The following LPAR1 variants were observed in gnomAD, a reference collection of about 807,000 sequenced individuals.
LPAR1 encodes the protein LPA receptor 1.
In LPAR1, 5 loss-of-function variants were observed where a neutral mutation model predicts 23.8. The ratio of observed to expected loss-of-function variants is 0.21; its 90% confidence interval spans 0.11 to 0.44. The LOEUF (loss-of-function observed/expected upper bound fraction) is 0.44. LPAR1 is among the 20% of genes least tolerant of loss of function. The pLI is 0.99. For missense variants in LPAR1, 311 were observed against 482.8 expected, an observed-to-expected ratio of 0.64 and a Z score of 3.33; for synonymous variants, 160 against 164.7, an observed-to-expected ratio of 0.97 and a Z score of 0.22.
chr9:110,968,868 G>A (rs181638894), intron 4 of LPAR1, among the ~76,000 whole-genome samples: 24 of 152,148 alleles, frequency 1.6e-4, no homozygotes, highest in Admixed American at 1.0e-3. Context: ...TTTCATTTCC[G>A]CCTTAAAATA....
In LPAR1 at chr9:110,890,082, C is replaced by T. The variant is rs1055184884; in HGVS notation, c.794-14360G>A. 2.0e-5 allele frequency among the ~76,000 whole-genome samples: 3 copies of T among 151,818 alleles called. No homozygotes were observed. The East Asian group carries it at 5.8e-4, about 29-fold the overall frequency. ...AGAGACAAATGTCTTATAAATATGACCAACAAAATAAAAACAGATTACGAA... is the reference window on the plus strand; with the variant it reads ...AGAGACAAATGTCTTATAAATATGATCAACAAAATAAAAACAGATTACGAA... On this transcript the variant is annotated intron_variant, in intron 5 of 5. Transcript: ENST00000683809.
At chr9:111,009,436 T>C (rs1417573070) in intron 2 of LPAR1, among the ~76,000 whole-genome samples, 3 of 152,162 alleles carry the variant, frequency 2.0e-5, no homozygotes, top group African/African-American at 7.2e-5. Flanking sequence ...AAATGTTTGA[T>C]ACATTCCTAA....
intron 5 of LPAR1, among the ~76,000 whole-genome samples, chr9:110,924,263 G>A (rs1320928420): frequency 6.7e-6 from 1 of 148,458 alleles, no homozygotes; most frequent in Admixed American, 6.7e-5. Context: ...AAACGTAAAT[G>A]TCTAATGATT....
intron 2 of LPAR1, among the ~76,000 whole-genome samples, chr9:111,029,536 C>T (rs1218024370): frequency 6.6e-6 from 1 of 152,048 alleles, no homozygotes; most frequent in Non-Finnish European, 1.5e-5. Context: ...ATGGAATGAG[C>T]TCCACAGACC....
chr9:111,005,808 A>G (rs1456154417), intron 2 of LPAR1, among the ~76,000 whole-genome samples: 1 of 152,078 alleles, frequency 6.6e-6, no homozygotes, highest in Non-Finnish European at 1.5e-5. Flanking sequence ...TTTATCTTTC[A>G]ATCTTCCAAT....
chr9:111,025,916 T>G (rs2097682221), intron 2 of LPAR1, among the ~76,000 whole-genome samples: 1 of 152,236 alleles, frequency 6.6e-6, no homozygotes, highest in Non-Finnish European at 1.5e-5. Flanking sequence ...ATATCTGTTT[T>G]GGTACCAGTA....
At chr9:110,956,521 G>A (rs865935820) in intron 4 of LPAR1, among the ~76,000 whole-genome samples, 88 of 148,720 alleles carry the variant, frequency 5.9e-4, no homozygotes, top group Admixed American at 1.7e-3. Flanking sequence ...AGAAGTTAGT[G>A]TTTTGAAAAG....
chr9:110,890,427 T>A (rs1164031495), intron 5 of LPAR1, among the ~76,000 whole-genome samples: 2 of 152,134 alleles, frequency 1.3e-5, no homozygotes, highest in South Asian at 2.1e-4. Context: ...TTAAAAAAAA[T>A]TCCAATTCAT....
chr9:110,965,063 G>C (rs1156228826), intron 4 of LPAR1, among the ~76,000 whole-genome samples: 1 of 151,748 alleles, frequency 6.6e-6, no homozygotes, highest in African/African-American at 2.4e-5. Flanking sequence ...TAGAGACGGG[G>C]TTTCACCATA....
At chr9:110,901,596 C>T (rs1295267269) in intron 5 of LPAR1, among the ~76,000 whole-genome samples, 2 of 152,162 alleles carry the variant, frequency 1.3e-5, no homozygotes. Context: ...GACTTATTCA[C>T]TATCATGAGA....
At chr9:110,939,871 G>A (rs139432588) in intron 5 of LPAR1, among the ~76,000 whole-genome samples, 132 of 152,280 alleles carry the variant, frequency 8.7e-4, no homozygotes, top group African/African-American at 3.1e-3. Flanking sequence ...TAGGTCATCA[G>A]CAAATAAATA....
intron 5 of LPAR1, among the ~76,000 whole-genome samples, chr9:110,927,457 C>A (rs565224270): frequency 1.3e-5 from 2 of 152,168 alleles, no homozygotes; most frequent in African/African-American, 4.8e-5. Context: ...CAAAGTAGGA[C>A]TTAATGAGTT....
intron 2 of LPAR1, among the ~76,000 whole-genome samples, chr9:110,987,890 C>T (rs2096821029): frequency 6.6e-6 from 1 of 151,800 alleles, no homozygotes; most frequent in African/African-American, 2.4e-5. Flanking sequence ...ACAGACTCAA[C>T]AAGCTCAATG....
At chr9:110,879,648 T>C (rs2080177262) in intron 5 of LPAR1, among the ~76,000 whole-genome samples, 1 of 152,198 alleles carries the variant, frequency 6.6e-6, no homozygotes, top group Non-Finnish European at 1.5e-5. Flanking sequence ...ACTATGGGAT[T>C]GTAATCTCAT....
intron 2 of LPAR1, among the ~76,000 whole-genome samples, chr9:110,976,187 T>C (rs1203183293): frequency 6.6e-6 from 1 of 151,944 alleles, no homozygotes. Context: ...AGTTGCACAA[T>C]AATTTTTAAA....
intron 4 of LPAR1, among the ~76,000 whole-genome samples, chr9:110,946,243 G>T (rs971545938): frequency 6.6e-6 from 1 of 151,960 alleles, no homozygotes; most frequent in Non-Finnish European, 1.5e-5. Context: ...GATGCACCAG[G>T]GGTCCAAGAA....
intron 5 of LPAR1, among the ~76,000 whole-genome samples, chr9:110,909,699 C>CT (rs2092079478): frequency 2.0e-5 from 3 of 151,372 alleles, no homozygotes; most frequent in Non-Finnish European, 4.4e-5. Context: ...GATCAGTGTT[C>CT]TTTTTGTTTT....
intron 5 of LPAR1, 132 bp from the exon 6 acceptor site, chr9:110,875,854 G>A (rs1000351995): frequency 3.1e-5 from 15 of 477,210 alleles, no homozygotes; most frequent in African/African-American, 8.0e-5. Context: ...CACCATTGTC[G>A]CAAATGAAAT....
At chr9:110,981,471 CT>C (rs148162044) in intron 2 of LPAR1, among the ~76,000 whole-genome samples, 1,579 of 152,112 alleles carry the variant, frequency 0.01, 16 homozygotes, top group Non-Finnish European at 0.017. Flanking sequence ...ACTTATCATA[CT>C]GTGAACAATA....
Sources: gnomAD v4.1 joint callset for allele counts (sites outside exome capture counted in the v4.1 genomes callset) on GRCh38, gnomAD v4.1.1 for gene constraint, MANE v1.5 for transcripts, NCBI Gene and HGNC (gene_info 2026-07-23, HGNC 2026-07-21) for gene names.